STX12: variants seen among roughly 807,000 people sequenced by gnomAD.
The protein encoded by STX12 is syntaxin 12.
In STX12, 17 loss-of-function variants were observed where a neutral mutation model predicts 42.2. That is an observed-to-expected ratio of 0.40 (90% CI 0.28 to 0.60). STX12 has a LOEUF of 0.60. STX12 is among the 20% of genes least tolerant of loss of function. STX12 has a pLI of 0.39. For synonymous variants in STX12, 108 were observed against 116.7 expected (o/e 0.93, Z 0.48); for missense variants, 297 against 330.9 (o/e 0.90, Z 0.79).
intron 3 of STX12, among the ~76,000 whole-genome samples, chr1:27,799,448 T>C (rs1435036855): frequency 6.6e-6 from 1 of 151,136 alleles, no homozygotes; most frequent in East Asian, 1.9e-4. Context: ...CTTTGTTCTT[T>C]AGAGGTTGAA....
chr1:27,776,432 G>A (rs1438851772), intron 1 of STX12, among the ~76,000 whole-genome samples: 1 of 152,062 alleles, frequency 6.6e-6, no homozygotes, highest in African/African-American at 2.4e-5. Context: ...TACAGTTCTG[G>A]GCTGTGCTCA....
At chr1:27,810,338 A>G (rs2088894497) in intron 5 of STX12, 49 bp downstream of exon 5, 6 of 1,507,892 alleles carry the variant, frequency 4.0e-6, no homozygotes, top group South Asian at 2.3e-5. Flanking sequence ...ATGGGAATCT[A>G]TCTCGTTATA....
intron 1 of STX12, among the ~76,000 whole-genome samples, chr1:27,775,592 G>A (rs1008835424): frequency 6.6e-6 from 1 of 152,196 alleles, no homozygotes; most frequent in Non-Finnish European, 1.5e-5. Flanking sequence ...ATTTATTTGA[G>A]TATGTAGTAA....
At chr1:27,810,179 GCCC>G in intron 4 of STX12, 64 bp from the exon 5 acceptor site, 1 of 1,456,458 alleles carries the variant, frequency 6.9e-7, no homozygotes, top group Non-Finnish European at 9.6e-7. Context: ...TGCTAAGGAA[GCCC>G]TTGTTTTGTG....
At chr1:27,817,744 G>C (rs1259850964) in intron 6 of STX12, 107 bp from the exon 7 acceptor site, 1 of 875,880 alleles carries the variant, frequency 1.1e-6, no homozygotes, top group East Asian at 2.6e-5. Context: ...ATGCTTTGTA[G>C]AGCCTTAAAA....
intron 4 of STX12, among the ~76,000 whole-genome samples, chr1:27,803,830 T>C (rs6672159): frequency 0.12 from 18,340 of 151,744 alleles, 3,670 homozygotes; most frequent in African/African-American, 0.42. Context: ...GGTGAAACCC[T>C]GTCTCTACTA....
intron 1 of STX12, among the ~76,000 whole-genome samples, chr1:27,785,601 C>T (rs2148598317): frequency 6.6e-6 from 1 of 152,102 alleles, no homozygotes. Flanking sequence ...ATCTGAATAT[C>T]ATCTATAATT....
chr1:27,778,781 G>A (rs1386211218), intron 1 of STX12, among the ~76,000 whole-genome samples: 4 of 152,042 alleles, frequency 2.6e-5, no homozygotes, highest in Admixed American at 6.6e-5. Context: ...AATAAGAAGA[G>A]TGGAGGTCTC....
chr1:27,824,372 T>C lies in STX12; in HGVS notation c.*2043T>C, dbSNP rs2089006844. 6.6e-6 allele frequency: 1 copy of C among 152,234 alleles called. No homozygotes were observed. Among genetic ancestry groups the C allele is most frequent in the African/African-American group, 2.4e-5 (1 of 41,454 alleles). 9.4% of individuals were successfully genotyped at this position (152,234 alleles called of 1,614,324 possible). A position where few individuals can be genotyped will look rare whatever the true frequency, so the allele number is the denominator to read the frequency against. On this transcript the variant is annotated 3_prime_UTR_variant, in exon 9 of 9. Transcript: ENST00000373943. ...GCAAATATGAACTTGGCCTGGATTT[T>C]AAATGGCCTAGAATTTGTGGTAGTT... is the stretch of plus-strand genomic sequence containing the variant.
chr1:27,807,767 A>G (rs904041171), intron 4 of STX12, among the ~76,000 whole-genome samples: 7 of 152,262 alleles, frequency 4.6e-5, no homozygotes, highest in African/African-American at 9.6e-5. Context: ...GTAGTAGTCA[A>G]AAATTGGAAA....
intron 1 of STX12, among the ~76,000 whole-genome samples, chr1:27,784,579 C>T (rs1234385167): frequency 1.3e-5 from 2 of 152,084 alleles, no homozygotes; most frequent in African/African-American, 2.4e-5. Context: ...TCTGTAAACA[C>T]GTTATTCCTT....
chr1:27,821,270 A>G lies in STX12; in HGVS notation c.733-961A>G, dbSNP rs2088982758. 2.0e-5 allele frequency among the ~76,000 whole-genome samples: 3 copies of G among 152,178 alleles called. No homozygotes were observed. The South Asian group carries it at 6.2e-4, about 32-fold the overall frequency. ...CTCGTAAAGAAATTCGTATTTAATA[A>G]TAGTGTTTCCTTTAAAAACTAGGTG... On this transcript the variant is annotated intron_variant, in intron 8 of 8. Coordinates refer to ENST00000373943, the MANE Select transcript of STX12 (RefSeq NM_177424.3).
intron 3 of STX12, among the ~76,000 whole-genome samples, chr1:27,798,173 G>C (rs1265335791): frequency 6.6e-6 from 1 of 152,048 alleles, no homozygotes; most frequent in Non-Finnish European, 1.5e-5. Flanking sequence ...TTTAATAACT[G>C]TGAAAAATCT....
At chr1:27,777,968 G>A (rs943723986) in intron 1 of STX12, among the ~76,000 whole-genome samples, 8 of 152,020 alleles carry the variant, frequency 5.3e-5, no homozygotes, top group South Asian at 4.1e-4. Context: ...ATGGGATGAC[G>A]TTGCATCTAC....
At chr1:27,821,970 ATCGCACCACGGCACTCCAGCC>A (rs1435440794) in intron 8 of STX12, among the ~76,000 whole-genome samples, 1 of 152,114 alleles carries the variant, frequency 6.6e-6, no homozygotes, top group East Asian at 1.9e-4. Flanking sequence ...GTTAGCCAAG[ATCGCACCACGGCACTCCAGCC>A]TGGGTGACGG....
At chr1:27,819,838 T>C in intron 8 of STX12, 106 bp downstream of exon 8, 1 of 873,636 alleles carries the variant, frequency 1.1e-6, no homozygotes, top group Non-Finnish European at 1.8e-6. Context: ...AGGTTTAAGC[T>C]AAAGGAAAGT....
chr1:27,821,730 T>A (rs2088985752), intron 8 of STX12, among the ~76,000 whole-genome samples: 1 of 152,174 alleles, frequency 6.6e-6, no homozygotes, highest in Non-Finnish European at 1.5e-5. Context: ...AAACCTATAC[T>A]ACTCGGCTGG....
At position 27,773,410 on chromosome 1, in the gene STX12, C is replaced by G; in HGVS notation, c.103C>G (p.Arg35Gly). The G allele has an allele frequency of 1.2e-6, 2 of 1,613,380 alleles. No homozygotes were observed. The highest frequency in any genetic ancestry group is 1.7e-4 in the Middle Eastern group (1 of 6,056). ...CCAGACGTGCAGCGGCAACATCCAG[C>G]GGATCAGCCAAGCCAGTGAGCCGGG... Reference protein sequence around the residue: ...IIQTCSGNIQRISQATAQIKN... With the variant: ...IIQTCSGNIQGISQATAQIKN... The change falls in exon 1 of 9, where the codon CGG becomes GGG. Residue 35 changes from arginine (R) to glycine (G), a missense_variant. Coordinates refer to ENST00000373943, the MANE Select transcript of STX12 (RefSeq NM_177424.3).
At chr1:27,794,638 C>T (rs2088772323) in intron 3 of STX12, among the ~76,000 whole-genome samples, 1 of 152,168 alleles carries the variant, frequency 6.6e-6, no homozygotes, top group Non-Finnish European at 1.5e-5. Context: ...GTAAAAAAAA[C>T]TTTCTCCGTC....
Sources: gnomAD v4.1 joint callset for allele counts (sites outside exome capture counted in the v4.1 genomes callset) on GRCh38, gnomAD v4.1.1 for gene constraint, MANE v1.5 for transcripts, NCBI Gene and HGNC (gene_info 2026-07-23, HGNC 2026-07-21) for gene names.